The following UTRN variants were observed in gnomAD, a reference collection of about 807,000 sequenced individuals.
The protein encoded by UTRN is dystrophin-related protein 1.
UTRN carries 283 observed loss-of-function variants against 463.9 expected under a neutral mutation model. The observed-to-expected ratio is 0.61, with a 90% CI of 0.55 to 0.67. The LOEUF is 0.67. Ranked by LOEUF, UTRN falls within the 30% of genes least tolerant of loss-of-function variation. UTRN has a pLI of 0.00. For synonymous variants in UTRN, 1,442 were observed against 1,431.5 expected (o/e 1.01, Z -0.17); for missense variants, 3,922 against 4,084.3 (o/e 0.96, Z 1.08).
chr6:144,707,173 G>T (rs182220308), intron 53 of UTRN: 1 of 152,174 alleles, frequency 6.6e-6, no homozygotes, highest in Admixed American at 6.5e-5. Context: ...TAATACAAAA[G>T]ATTTTGTTGG....
intron 2 of UTRN, among the ~76,000 whole-genome samples, chr6:144,375,904 C>T (rs536836514): frequency 2.6e-5 from 4 of 152,252 alleles, no homozygotes; most frequent in East Asian, 1.9e-4. Flanking sequence ...TTCTGCCTGG[C>T]GTTTTATGGC....
intron 58 of UTRN, among the ~76,000 whole-genome samples, chr6:144,760,842 C>T (rs975696880): frequency 4.6e-5 from 7 of 152,072 alleles, no homozygotes; most frequent in Admixed American, 1.3e-4. Context: ...AAATATTCAA[C>T]GTTTTTGGTG....
intron 64 of UTRN, among the ~76,000 whole-genome samples, chr6:144,798,953 G>T (rs1777476543): frequency 6.6e-6 from 1 of 152,184 alleles, no homozygotes; most frequent in South Asian, 2.1e-4. Context: ...TGTTGGCCAG[G>T]CTGGTCTCAA....
chr6:144,420,257 G>A (rs542294934), intron 3 of UTRN, among the ~76,000 whole-genome samples: 11 of 152,074 alleles, frequency 7.2e-5, no homozygotes, highest in South Asian at 4.1e-4. Flanking sequence ...GCAGTAATTC[G>A]ATACAAGATA....
chr6:144,538,665 G>A (rs1403515082), intron 44 of UTRN, among the ~76,000 whole-genome samples: 8 of 138,388 alleles, frequency 5.8e-5, no homozygotes, highest in Admixed American at 3.0e-4. Context: ...GCGAGACTCC[G>A]TCTCAAAAAA....
intron 46 of UTRN, among the ~76,000 whole-genome samples, chr6:144,544,970 A>C (rs1010611768): frequency 6.6e-6 from 1 of 152,066 alleles, no homozygotes; most frequent in Non-Finnish European, 1.5e-5. Context: ...GTACAGTATT[A>C]CATAACATTG....
intron 2 of UTRN, among the ~76,000 whole-genome samples, chr6:144,319,154 T>TC (rs1188545091): frequency 1.3e-5 from 2 of 150,564 alleles, no homozygotes; most frequent in Non-Finnish European, 2.9e-5. Context: ...TTTTTTTTTT[T>TC]CCTCATTATT....
intron 43 of UTRN, among the ~76,000 whole-genome samples, chr6:144,536,879 C>T (rs1422066938): frequency 6.6e-6 from 1 of 151,962 alleles, no homozygotes; most frequent in Non-Finnish European, 1.5e-5. Flanking sequence ...ATTCTTATAA[C>T]ACTATAAAGA....
intron 2 of UTRN, among the ~76,000 whole-genome samples, chr6:144,371,276 A>C (rs1454402346): frequency 6.6e-6 from 1 of 152,176 alleles, no homozygotes; most frequent in Admixed American, 6.5e-5. Flanking sequence ...AGCTAAATAT[A>C]CTGAATTCCT....
chr6:144,698,868 TG>T (rs765443067), intron 52 of UTRN, among the ~76,000 whole-genome samples: 42 of 152,238 alleles, frequency 2.8e-4, no homozygotes, highest in Non-Finnish European at 5.3e-4. Context: ...GGTGCATTTC[TG>T]TGTTAAATGC....
intron 45 of UTRN, 151 bp from the exon 46 acceptor site, chr6:144,542,644 G>A (rs768660146): frequency 7.3e-6 from 5 of 688,606 alleles, no homozygotes; most frequent in Non-Finnish European, 1.2e-5. Context: ...AAACAAGATT[G>A]CAATGGAGAG....
chr6:144,679,048 T>C lies in UTRN; in HGVS notation c.7652+470T>C, dbSNP rs1203981012. Among the ~76,000 whole-genome samples the C allele has an allele frequency of 2.0e-5, 3 of 152,162 alleles. No individual in the cohort carries two copies. The East Asian group carries it at 5.8e-4, about 29-fold the overall frequency. Reference sequence around the variant, plus strand: ...CAAGTCAGAGTTTGAATCTAGATCTTTTTTACTCTTGGCAGTGAACATGTT... The same window carrying C: ...CAAGTCAGAGTTTGAATCTAGATCTCTTTTACTCTTGGCAGTGAACATGTT... On this transcript the variant is annotated intron_variant, in intron 52 of 74. Coordinates refer to ENST00000367545, the MANE Select transcript of UTRN (RefSeq NM_007124.3).
intron 51 of UTRN, among the ~76,000 whole-genome samples, chr6:144,662,100 A>G (rs935935584): frequency 2.0e-5 from 3 of 152,038 alleles, no homozygotes; most frequent in African/African-American, 7.2e-5. Context: ...ATATATGTGT[A>G]TTTTTGTGTT....
intron 2 of UTRN, among the ~76,000 whole-genome samples, chr6:144,342,050 C>T (rs1777175202): frequency 6.6e-6 from 1 of 152,132 alleles, no homozygotes; most frequent in Non-Finnish European, 1.5e-5. Context: ...ATATTTAGTC[C>T]TGATTCTAGA....
At chr6:144,603,654 C>T (rs1804508093) in intron 51 of UTRN, among the ~76,000 whole-genome samples, 1 of 152,068 alleles carries the variant, frequency 6.6e-6, no homozygotes, top group Non-Finnish European at 1.5e-5. Flanking sequence ...GTATATTTTT[C>T]CCTAAGTATT....
At chr6:144,791,512 G>A (rs775416152) in intron 62 of UTRN, among the ~76,000 whole-genome samples, 7 of 151,512 alleles carry the variant, frequency 4.6e-5, no homozygotes, top group Non-Finnish European at 1.0e-4. Flanking sequence ...ATCGGAGGCT[G>A]CAATGAGCCA....
intron 27 of UTRN, among the ~76,000 whole-genome samples, chr6:144,484,520 G>A (rs143097976): frequency 8.4e-4 from 105 of 124,912 alleles, no homozygotes; most frequent in African/African-American, 3.2e-3. Flanking sequence ...TGGGCTTACT[G>A]TAACCTCTGC....
At chr6:144,431,421 A>C (rs1194928934) in intron 9 of UTRN, among the ~76,000 whole-genome samples, 1 of 152,202 alleles carries the variant, frequency 6.6e-6, no homozygotes, top group African/African-American at 2.4e-5. Flanking sequence ...ACGTTAATTG[A>C]AAACTAAAAT....
At position 144,374,416 on chromosome 6, in the gene UTRN, C is replaced by T. The variant is rs547322310; in HGVS notation, c.80-28707C>T. On this transcript the variant is annotated intron_variant, in intron 2 of 74. Transcript: ENST00000367545. ...CAGCACTTTGGGAGGCCAAGGCGGG[C>T]GGATAACTTGAGGTCAGGAGTTTGA... Among the ~76,000 whole-genome samples the T allele has an allele frequency of 7.2e-4, 109 of 151,652 alleles. 1 individual carries two copies. Among genetic ancestry groups the T allele is most frequent in the Admixed American group, 4.8e-3 (73 of 15,232 alleles).
Sources: allele counts gnomAD v4.1 joint callset (sites outside exome capture counted in the v4.1 genomes callset), GRCh38; gene constraint gnomAD v4.1.1; transcripts MANE v1.5; gene names NCBI Gene and HGNC (gene_info 2026-07-23, HGNC 2026-07-21).